The following AMELY variants were observed in gnomAD, a reference collection of about 807,000 sequenced individuals.
AMELY encodes the protein amelogenin Y-linked, also known as amelogenin, Y isoform.
AMELY carries 4 observed loss-of-function variants against 4.2 expected under a neutral mutation model. The observed-to-expected ratio is 0.96, with a 90% CI of 0.47 to 2.19. The LOEUF is 2.19. Among genes scored for constraint, AMELY ranks in the 30% most tolerant of loss-of-function variants. The pLI is 0.02. For missense variants in AMELY, 32 were observed against 41.5 expected (o/e 0.77, Z 0.63); for synonymous variants, 11 against 14.7 (o/e 0.75, Z 0.57).
chrY:6,907,537 T>G, intron 1 of AMELY, among the ~76,000 whole-genome samples: 1 of 28,157 alleles, frequency 3.6e-5, no homozygotes, highest in South Asian at 7.9e-4. Flanking sequence ...TTGTTTTTTG[T>G]TTTTTTTTTT....
chrY:6,888,878 A>AG (rs2054081486), intron 1 of AMELY, among the ~76,000 whole-genome samples: 2 of 28,061 alleles, frequency 7.1e-5, no homozygotes, highest in African/African-American at 1.4e-4. Context: ...AAAAAAAAAA[A>AG]AAAAAAAAAA....
chrY:6,886,553 T>C, intron 1 of AMELY, among the ~76,000 whole-genome samples: 2 of 33,598 alleles, frequency 6.0e-5, no homozygotes, highest in South Asian at 6.6e-4. Context: ...CACATCTGTA[T>C]TTCTAGCTCC....
At chrY:6,885,257 A>G (rs1021365941) in intron 1 of AMELY, among the ~76,000 whole-genome samples, 1 of 32,850 alleles carries the variant, frequency 3.0e-5, no homozygotes, top group Non-Finnish European at 7.6e-5. Context: ...AGGGGGGCGG[A>G]TCACGAGGTC....
intron 1 of AMELY, among the ~76,000 whole-genome samples, chrY:6,886,007 T>C (rs912064820): frequency 5.9e-5 from 2 of 34,031 alleles, no homozygotes; most frequent in Non-Finnish European, 1.5e-4. Context: ...CCTGCACATC[T>C]ACTCTCTGAA....
chrY:6,905,023 T>A, intron 1 of AMELY, among the ~76,000 whole-genome samples: 1 of 33,584 alleles, frequency 3.0e-5, no homozygotes, highest in South Asian at 6.8e-4. Context: ...GAAACCTTAA[T>A]CACCATTGGA....
chrY:6,904,332 G>A (rs2011657317), intron 1 of AMELY, among the ~76,000 whole-genome samples: 1 of 33,524 alleles, frequency 3.0e-5, no homozygotes. Flanking sequence ...CCAAACCATT[G>A]GCTACAGCTC....
intron 1 of AMELY, among the ~76,000 whole-genome samples, chrY:6,889,679 C>T: frequency 3.1e-5 from 1 of 32,103 alleles, no homozygotes; most frequent in Non-Finnish European, 7.6e-5. Flanking sequence ...ACTCTGGAGG[C>T]TGAGGCAGGA....
intron 3 of AMELY, 45 bp downstream of exon 3, chrY:6,872,510 C>T: frequency 2.7e-6 from 1 of 373,292 alleles, no homozygotes; most frequent in Non-Finnish European, 3.8e-6. Context: ...CTTATTTCCA[C>T]GTTTGTAAAT....
chrY:6,910,661 T>C, intron 1 of AMELY: 1 of 61,064 alleles, frequency 1.6e-5, no homozygotes, highest in Non-Finnish European at 3.3e-5. Flanking sequence ...TCCCGCCCTC[T>C]GTCGCTGCAG....
At chrY:6,895,570 T>C in intron 1 of AMELY, among the ~76,000 whole-genome samples, 1 of 33,790 alleles carries the variant, frequency 3.0e-5, no homozygotes, top group Non-Finnish European at 7.4e-5. Context: ...CACTTTGTGA[T>C]GAATTTAAAG....
intron 1 of AMELY, among the ~76,000 whole-genome samples, chrY:6,885,715 T>G: frequency 2.9e-5 from 1 of 34,354 alleles, no homozygotes; most frequent in Non-Finnish European, 7.3e-5. Flanking sequence ...GAAATTATTC[T>G]TTGCAGCAAC....
intron 3 of AMELY, among the ~76,000 whole-genome samples, chrY:6,870,893 TCCA>T (rs2054067084): frequency 3.0e-5 from 1 of 32,926 alleles, no homozygotes. Context: ...GCACCCGGGG[TCCA>T]CGTGAAGAAG....
intron 1 of AMELY, among the ~76,000 whole-genome samples, chrY:6,882,548 C>G (rs772386512): frequency 3.0e-5 from 1 of 33,092 alleles, no homozygotes; most frequent in African/African-American, 1.2e-4. Flanking sequence ...AAAGCCTTCA[C>G]TACTAATGCA....
rs2011697200 is a variant in AMELY at position 6,911,749 on chromosome Y, TCA to T, written c.-191_-190del. 2.9e-5 allele frequency among the ~76,000 whole-genome samples: 1 copy of T among 34,086 alleles called. No individual in the cohort carries two copies. Among genetic ancestry groups the T allele is most frequent in the Non-Finnish European group, 7.4e-5 (1 of 13,598 alleles). The allele number at this position is 34,086 out of a possible 37,273, so 91.4% of individuals were successfully genotyped here. A position where few individuals can be genotyped will look rare whatever the true frequency, so the allele number is the denominator to read the frequency against. ...CCTTGCTTCCCAGTGGTACCTTCTC[TCA>T]CGGAGGGGGCGGGGCCGTCCGCTTT... On this transcript the variant is annotated 5_prime_UTR_variant, in exon 1 of 7. Coordinates refer to ENST00000651267, the MANE Select transcript of AMELY (RefSeq NM_001143.2).
intron 1 of AMELY, among the ~76,000 whole-genome samples, chrY:6,904,602 C>T: frequency 5.9e-5 from 2 of 33,650 alleles, no homozygotes; most frequent in Non-Finnish European, 1.5e-4. Context: ...ATAAGGATAT[C>T]ATTGCAGGAC....
At chrY:6,909,602 A>G (rs1267847414) in intron 1 of AMELY, among the ~76,000 whole-genome samples, 1 of 33,370 alleles carries the variant, frequency 3.0e-5, no homozygotes, top group East Asian at 8.0e-4. Context: ...TGCTCTAATG[A>G]TGGTGTAGCA....
intron 3 of AMELY, among the ~76,000 whole-genome samples, chrY:6,871,725 C>T (rs1043441599): frequency 1.9e-4 from 6 of 31,686 alleles, no homozygotes; most frequent in African/African-American, 7.4e-4. Context: ...TTTGGGAGGC[C>T]GAGGCGGGTG....
chrY:6,875,740 A>C, intron 1 of AMELY, among the ~76,000 whole-genome samples: 1 of 33,278 alleles, frequency 3.0e-5, no homozygotes, highest in Non-Finnish European at 7.5e-5. Flanking sequence ...TTTGTAGAGA[A>C]GAGGTGAGAG....
intron 1 of AMELY, among the ~76,000 whole-genome samples, chrY:6,892,785 T>C (rs112672534): frequency 4.4e-3 from 148 of 33,640 alleles, no homozygotes; most frequent in Non-Finnish European, 8.9e-3. Context: ...TGTCCATAGC[T>C]CAGTCAGTCA....
Sources: allele counts gnomAD v4.1 joint callset (sites outside exome capture counted in the v4.1 genomes callset), GRCh38; gene constraint gnomAD v4.1.1; transcripts MANE v1.5; gene names NCBI Gene and HGNC (gene_info 2026-07-23, HGNC 2026-07-21).